ASTN1: variants seen among roughly 807,000 people sequenced by gnomAD.
ASTN1 encodes astrotactin-1.
In ASTN1, 41 loss-of-function variants were observed where a neutral mutation model predicts 140.7. The observed-to-expected ratio is 0.29, with a 90% CI of 0.23 to 0.38. The LOEUF (loss-of-function observed/expected upper bound fraction) is 0.38. ASTN1 is among the 10% of genes least tolerant of loss of function. The pLI is 1.00. For synonymous variants in ASTN1, 640 were observed against 652.2 expected, an observed-to-expected ratio of 0.98 and a Z score of 0.29; for missense variants, 1,479 against 1,678.8, an observed-to-expected ratio of 0.88 and a Z score of 2.08.
intron 22 of ASTN1, among the ~76,000 whole-genome samples, chr1:176,865,600 A>G (rs906347574): frequency 3.9e-5 from 6 of 152,202 alleles, no homozygotes; most frequent in East Asian, 1.9e-4. Flanking sequence ...GGAAAACTCA[A>G]TGAAGACTAC....
At chr1:177,154,401 G>T (rs540894026) in intron 1 of ASTN1, among the ~76,000 whole-genome samples, 1 of 152,168 alleles carries the variant, frequency 6.6e-6, no homozygotes, top group East Asian at 1.9e-4. Flanking sequence ...TCAGTTCCTC[G>T]GTCGTACTAA....
At chr1:177,084,746 G>A (rs1450559921) in intron 1 of ASTN1, among the ~76,000 whole-genome samples, 2 of 151,812 alleles carry the variant, frequency 1.3e-5, no homozygotes, top group South Asian at 2.1e-4. Flanking sequence ...AATGATAAAA[G>A]TAATTCCCAC....
chr1:176,872,456 T>G (rs956236235), intron 21 of ASTN1, among the ~76,000 whole-genome samples: 1 of 152,128 alleles, frequency 6.6e-6, no homozygotes, highest in Non-Finnish European at 1.5e-5. Flanking sequence ...CAAGATGAAG[T>G]TCCTCCTTTC....
chr1:177,028,259 T>G (rs115255359), intron 5 of ASTN1, among the ~76,000 whole-genome samples: 358 of 152,290 alleles, frequency 2.4e-3, no homozygotes, highest in African/African-American at 8.3e-3. Context: ...AGGCCTGGAT[T>G]AGCTGGGCCT....
chr1:177,109,261 ACC>A (rs1680698841), intron 1 of ASTN1, among the ~76,000 whole-genome samples: 1 of 152,162 alleles, frequency 6.6e-6, no homozygotes, highest in Non-Finnish European at 1.5e-5. Context: ...TATGTAGTAA[ACC>A]TAAGAAACCC....
At chr1:177,053,407 G>A (rs73047024) in intron 2 of ASTN1, among the ~76,000 whole-genome samples, 6,968 of 152,236 alleles carry the variant, frequency 0.046, 290 homozygotes, top group African/African-American at 0.11. Flanking sequence ...CAAAGAAGAT[G>A]TAAAGACTGA....
At chr1:176,909,211 C>T (rs1010211536) in intron 16 of ASTN1, among the ~76,000 whole-genome samples, 9 of 152,162 alleles carry the variant, frequency 5.9e-5, no homozygotes, top group East Asian at 1.9e-4. Flanking sequence ...ACACAGTCCC[C>T]GACAGCCTCA....
rs967368431 is a variant in ASTN1, at chr1:176,923,913, A to AT, written c.2671+10238dup. On this transcript the variant is annotated intron_variant, in intron 16 of 22. Transcript: ENST00000361833. ...CCCTTCCCTTATCCTTTATCTTGTG[A>AT]TTTTTTTTTCCTCAACACATTTCCT... 8.2e-4 allele frequency among the ~76,000 whole-genome samples: 125 copies of AT among 151,604 alleles called. No homozygotes were observed. In the Middle Eastern group the frequency reaches 0.014, roughly 17 times the overall value.
At chr1:176,984,120 G>A (rs1015059229) in intron 8 of ASTN1, among the ~76,000 whole-genome samples, 2 of 152,170 alleles carry the variant, frequency 1.3e-5, no homozygotes, top group East Asian at 3.9e-4. Context: ...ATACCTCATC[G>A]ATACCGTGAA....
intron 8 of ASTN1, among the ~76,000 whole-genome samples, chr1:176,999,287 G>A (rs997362273): frequency 3.9e-5 from 6 of 152,148 alleles, no homozygotes; most frequent in African/African-American, 9.7e-5. Context: ...AGCTACAATC[G>A]ATTCACTAAC....
chr1:177,156,239 C>T (rs1237688784), intron 1 of ASTN1, among the ~76,000 whole-genome samples: 1 of 148,590 alleles, frequency 6.7e-6, no homozygotes, highest in Non-Finnish European at 1.5e-5. Context: ...CACTGCACTC[C>T]AGCGTGGGCA....
intron 1 of ASTN1, among the ~76,000 whole-genome samples, chr1:177,063,036 T>C (rs1400832956): frequency 6.6e-6 from 1 of 152,160 alleles, no homozygotes; most frequent in Non-Finnish European, 1.5e-5. Context: ...ATGGGTTTGA[T>C]GGGCAAGTGG....
At chr1:177,119,672 A>G (rs1344463790) in intron 1 of ASTN1, among the ~76,000 whole-genome samples, 1 of 152,196 alleles carries the variant, frequency 6.6e-6, no homozygotes, top group Non-Finnish European at 1.5e-5. Flanking sequence ...GATTTTTCCT[A>G]GGACTCCGTA....
intron 1 of ASTN1, among the ~76,000 whole-genome samples, chr1:177,161,419 C>T (rs1647358635): frequency 6.6e-6 from 1 of 152,216 alleles, no homozygotes; most frequent in African/African-American, 2.4e-5. Context: ...GCCTAATCTA[C>T]CTTTAATTTT....
At chr1:177,060,393 G>A (rs1571723989) in intron 2 of ASTN1, among the ~76,000 whole-genome samples, 1 of 152,200 alleles carries the variant, frequency 6.6e-6, no homozygotes, top group East Asian at 1.9e-4. Flanking sequence ...AGAGAACTTG[G>A]TAGTGGCAAG....
Position 176,862,385 on chromosome 1 carries a change from A to C in ASTN1, c.*1899T>G, listed in dbSNP as rs1336982070. On this transcript the variant is annotated 3_prime_UTR_variant, in exon 23 of 23. Transcript: ENST00000361833. ...GAGGAGGGCCATGTGCAGTGGAACT[A>C]GGGGTCCCAAGGGTGCTCTAGCTCC... is the stretch of plus-strand genomic sequence containing the variant. The C allele has an allele frequency of 1.0e-6, 1 of 985,344 alleles. No individual in the cohort carries two copies. The highest frequency in any genetic ancestry group is 1.7e-5 in the African/African-American group (1 of 57,238). 61.0% of individuals were successfully genotyped at this position (985,344 alleles called of 1,614,324 possible).
intron 1 of ASTN1, among the ~76,000 whole-genome samples, chr1:177,109,958 C>T (rs940842633): frequency 2.6e-5 from 4 of 152,156 alleles, no homozygotes; most frequent in African/African-American, 9.7e-5. Context: ...CAGCTGAAGG[C>T]ATCTTTCATC....
rs148722284 is a variant in ASTN1 at position 176,942,820 on chromosome 1, G to GTATATATATATATATA, written c.2377+1070_2377+1071insTATATATATATATATA. 3.2e-4 allele frequency among the ~76,000 whole-genome samples: 8 copies of GTATATATATATATATA among 25,316 alleles called. 2 individuals are homozygous for GTATATATATATATATA. Among genetic ancestry groups the GTATATATATATATATA allele is most frequent in the Non-Finnish European group, 6.4e-4 (8 of 12,432 alleles). 16.6% of individuals were successfully genotyped at this position (25,316 alleles called of 152,430 possible). ...CCAAACCAATGTACTTTGTGTGTGT[G>GTATATATATATATATA]TATATATATATATATGTATATATAT... is the stretch of plus-strand genomic sequence containing the variant. On this transcript the variant is annotated intron_variant, in intron 14 of 22. Transcript: ENST00000361833.
intron 8 of ASTN1, among the ~76,000 whole-genome samples, chr1:176,993,358 T>C (rs1674280394): frequency 6.6e-6 from 1 of 152,200 alleles, no homozygotes; most frequent in Non-Finnish European, 1.5e-5. Flanking sequence ...TATTTGGCTA[T>C]ATGTGGGTGC....
Sources: allele counts gnomAD v4.1 joint callset (sites outside exome capture counted in the v4.1 genomes callset), GRCh38; gene constraint gnomAD v4.1.1; transcripts MANE v1.5; gene names NCBI Gene and HGNC (gene_info 2026-07-23, HGNC 2026-07-21).